Variants in RXRG observed in about 807,000 individuals in gnomAD.
RXRG encodes the protein retinoic acid receptor RXR-gamma.
RXRG carries 19 observed loss-of-function variants against 49.2 expected under a neutral mutation model. The observed-to-expected ratio is 0.39, with a 90% confidence interval of 0.27 to 0.57. RXRG has a LOEUF of 0.57. Among genes scored for constraint, RXRG ranks in the 20% least tolerant of loss-of-function variants. The probability of loss-of-function intolerance (pLI) is 0.64; values close to 1 mark genes in which losing one functional copy is unlikely to be tolerated. For synonymous variants in RXRG, 224 were observed against 216.6 expected, an observed-to-expected ratio of 1.03 and a Z score of -0.30; for missense variants, 452 against 592.5, an observed-to-expected ratio of 0.76 and a Z score of 2.46.
At chr1:165,420,897 G>A (rs1330446261) in intron 2 of RXRG, among the ~76,000 whole-genome samples, 3 of 152,336 alleles carry the variant, frequency 2.0e-5, no homozygotes, top group Non-Finnish European at 2.9e-5. Context: ...AAGTTCAAAC[G>A]AAGGTGGTGC....
At chr1:165,437,830 GA>G (rs1658862842) in intron 1 of RXRG, among the ~76,000 whole-genome samples, 1 of 152,200 alleles carries the variant, frequency 6.6e-6, no homozygotes, top group Non-Finnish European at 1.5e-5. Context: ...ATTTGTTAGA[GA>G]TGGCATAATA....
At chr1:165,431,482 C>T (rs1161903553) in intron 1 of RXRG, among the ~76,000 whole-genome samples, 1 of 152,160 alleles carries the variant, frequency 6.6e-6, no homozygotes, top group Admixed American at 6.5e-5. Flanking sequence ...AGGCGCCAGC[C>T]CTGATTCAAT....
At chr1:165,426,857 T>C (rs1055036795) in intron 2 of RXRG, among the ~76,000 whole-genome samples, 1 of 152,152 alleles carries the variant, frequency 6.6e-6, no homozygotes, top group Admixed American at 6.5e-5. Context: ...AAAAAGCTCA[T>C]GACATACTCC....
chr1:165,419,233 A>G (rs769905624), intron 3 of RXRG, among the ~76,000 whole-genome samples: 3 of 152,148 alleles, frequency 2.0e-5, no homozygotes, highest in Non-Finnish European at 4.4e-5. Context: ...AAAATCTAGA[A>G]TGTTATAGCA....
At chr1:165,419,313 T>A (rs1209990975) in intron 3 of RXRG, among the ~76,000 whole-genome samples, 4 of 152,202 alleles carry the variant, frequency 2.6e-5, no homozygotes, top group Non-Finnish European at 4.4e-5. Flanking sequence ...TTACTTTTCT[T>A]TGCAGTTTTC....
intron 6 of RXRG, 146 bp from the exon 7 acceptor site, chr1:165,409,836 G>T: frequency 1.4e-6 from 1 of 724,040 alleles, no homozygotes; most frequent in Non-Finnish European, 1.9e-6. Flanking sequence ...AGATGACACA[G>T]TTCATTAGCG....
chr1:165,409,690 C>A lies in RXRG; in HGVS notation c.914G>T (p.Gly305Val). 6.7e-7 allele frequency: 1 copy of A among 1,503,608 alleles called. No individual in the cohort carries two copies. The highest frequency in any genetic ancestry group is 2.2e-5 in the Admixed American group (1 of 44,798). The allele number at this position is 1,503,608 out of a possible 1,614,324, so 93.1% of individuals were successfully genotyped here. A position where few individuals can be genotyped will look rare whatever the true frequency, so the allele number is the denominator to read the frequency against. ...LEDQVILLRAGWNELLIASFS... is the reference protein window; with the variant it reads ...LEDQVILLRAVWNELLIASFS... ...AGAGGCAATCAGCAATTCATTCCAC[C>A]CTGCAAGGATAAGGAGGAGGTCTTG... Residue 305 changes from glycine (G) to valine (V), a missense_variant and splice_region_variant, in exon 7 of 10, where the codon GGG becomes GTG. Gly to Val is a moderately radical substitution (Grantham distance 109). Coordinates refer to ENST00000359842, the MANE Select transcript of RXRG (RefSeq NM_006917.5).
At chr1:165,417,995 C>T (rs1046543660) in intron 3 of RXRG, among the ~76,000 whole-genome samples, 1 of 151,304 alleles carries the variant, frequency 6.6e-6, no homozygotes, top group African/African-American at 2.4e-5. Flanking sequence ...CCTGTGGTCT[C>T]AGCTACTCCA....
intron 4 of RXRG, 49 bp downstream of exon 4, chr1:165,416,992 A>G: frequency 6.4e-7 from 1 of 1,558,484 alleles, no homozygotes; most frequent in Non-Finnish European, 8.7e-7. Flanking sequence ...CCCCTTGCCT[A>G]GGAAATGCCT....
At chr1:165,439,394 C>G (rs1658913715) in intron 1 of RXRG, among the ~76,000 whole-genome samples, 1 of 152,056 alleles carries the variant, frequency 6.6e-6, no homozygotes, top group Non-Finnish European at 1.5e-5. Context: ...CCAGCTCCCA[C>G]CCTGAGCAGC....
chr1:165,419,744 G>A (rs1658246227), intron 3 of RXRG, 126 bp downstream of exon 3: 2 of 701,876 alleles, frequency 2.8e-6, no homozygotes, highest in Non-Finnish European at 4.4e-6. Flanking sequence ...TAAACGTATA[G>A]GTGGGTCCCC....
intron 2 of RXRG, chr1:165,424,685 T>G: frequency 1.6e-6 from 1 of 628,524 alleles, no homozygotes; most frequent in Non-Finnish European, 2.0e-6. Flanking sequence ...CAGAGGAGAC[T>G]GGCCCTGCCT....
At chr1:165,425,881 A>G (rs1295639858) in intron 2 of RXRG, among the ~76,000 whole-genome samples, 1 of 152,242 alleles carries the variant, frequency 6.6e-6, no homozygotes, top group African/African-American at 2.4e-5. Context: ...AGCACTGATT[A>G]TCCATCTTTT....
chr1:165,444,136 T>G (rs1659085762), intron 1 of RXRG, among the ~76,000 whole-genome samples: 1 of 152,134 alleles, frequency 6.6e-6, no homozygotes, highest in Admixed American at 6.5e-5. Flanking sequence ...CACGGTGACT[T>G]GAATCTTCAG....
chr1:165,411,824 A>G (rs551419352), intron 4 of RXRG, among the ~76,000 whole-genome samples: 3 of 152,164 alleles, frequency 2.0e-5, no homozygotes, highest in South Asian at 2.1e-4. Flanking sequence ...CTCCATGTCT[A>G]TACATTAGGA....
chr1:165,419,981 C>A lies in RXRG; in HGVS notation c.331G>T (p.Asp111Tyr). Residue 111 changes from aspartate to tyrosine, a missense_variant, in exon 3 of 10, where the codon GAC becomes TAC. Coordinates refer to ENST00000359842, the MANE Select transcript of RXRG (RefSeq NM_006917.5). ...GGAAGCCCTGGTAAGGGCTTGATGT[C>A]CTCTGAACTGCTGACACTGTTGACC... ...NVVNSVSSSE[D>Y]IKPLPGLPGI... 1.2e-6 allele frequency: 2 copies of A among 1,611,150 alleles called. No individual in the cohort carries two copies. Among genetic ancestry groups the A allele is most frequent in the Non-Finnish European group, 1.7e-6 (2 of 1,178,630 alleles).
At position 165,426,618 on chromosome 1, in the gene RXRG, T is replaced by C. The variant is rs572523281; in HGVS notation, c.297+2101A>G. Among the ~76,000 whole-genome samples the C allele has an allele frequency of 3.3e-5, 5 of 152,326 alleles. No individual in the cohort carries two copies. The South Asian group carries it at 1.0e-3, about 32-fold the overall frequency. On this transcript the variant is annotated intron_variant, in intron 2 of 9. Transcript: ENST00000359842. ...TAGGCATGGTCACTGAAGTTCTCTCTGGAGTAGCAGAAAATGCTGACATAA... is the reference window on the plus strand; with the variant it reads ...TAGGCATGGTCACTGAAGTTCTCTCCGGAGTAGCAGAAAATGCTGACATAA...
At chr1:165,422,226 G>A (rs944656260) in intron 2 of RXRG, among the ~76,000 whole-genome samples, 7 of 152,224 alleles carry the variant, frequency 4.6e-5, no homozygotes, top group Admixed American at 3.9e-4. Context: ...TGGAAAGCTT[G>A]CTCAGTGCTA....
In RXRG at chr1:165,409,611, T is replaced by C. The variant is rs974498324; in HGVS notation, c.993A>G (p.Leu331=). The change falls in exon 7 of 10, where the codon TTA becomes TTG. Residue 331 remains leucine, a synonymous_variant. Coordinates refer to ENST00000359842, the MANE Select transcript of RXRG (RefSeq NM_006917.5). Reference sequence around the variant, plus strand: ...TGTGGGCACTGCTCCGGTGGACATGTAAACCCGTGGCCAGAAGGATGCCAT... The same window carrying C: ...TGTGGGCACTGCTCCGGTGGACATGCAAACCCGTGGCCAGAAGGATGCCAT... ...VQDGILLATG[L]HVHRSSAHSA... is the part of the protein sequence containing the mutation. The C allele has an allele frequency of 1.9e-6, 3 of 1,575,838 alleles. No individual in the cohort carries two copies. The highest frequency in any genetic ancestry group is 1.4e-5 in the African/African-American group (1 of 72,742).
Sources: gnomAD v4.1 joint callset for allele counts (sites outside exome capture counted in the v4.1 genomes callset) on GRCh38, gnomAD v4.1.1 for gene constraint, MANE v1.5 for transcripts, NCBI Gene and HGNC (gene_info 2026-07-23, HGNC 2026-07-21) for gene names.